Variants in TMEM114 observed in about 807,000 individuals in gnomAD.
TMEM114 encodes claudin-26.
Under a neutral mutation model 6.2 loss-of-function variants are expected in TMEM114, and 6 were observed. That is an observed-to-expected ratio of 0.97 (90% CI 0.53 to 1.91). TMEM114 has a LOEUF of 1.91. Ranked by LOEUF, TMEM114 falls within the 40% of genes most tolerant of loss-of-function variation. TMEM114 has a pLI of 0.01. For synonymous variants in TMEM114, 104 were observed against 73.0 expected, an observed-to-expected ratio of 1.42 and a Z score of -2.16; for missense variants, 218 against 158.3, an observed-to-expected ratio of 1.38 and a Z score of -2.02.
chr16:8,557,841 A>G (rs1306656875), intron 2 of TMEM114, among the ~76,000 whole-genome samples: 1 of 152,244 alleles, frequency 6.6e-6, no homozygotes, highest in Non-Finnish European at 1.5e-5. Flanking sequence ...GATCTTTAAA[A>G]TAATCTTGTG....
At chr16:8,570,199 C>T (rs1346926126) in intron 3 of TMEM114, among the ~76,000 whole-genome samples, 194 bp from the exon 4 acceptor site, 2 of 152,234 alleles carry the variant, frequency 1.3e-5, no homozygotes, top group Non-Finnish European at 2.9e-5. Context: ...TCGGCAACTC[C>T]TACCCTTCCC....
chr16:8,551,416 C>T (rs1900840087), intron 2 of TMEM114, among the ~76,000 whole-genome samples: 1 of 152,190 alleles, frequency 6.6e-6, no homozygotes, highest in Admixed American at 6.5e-5. Flanking sequence ...CTTCTCTACA[C>T]TGTTATAGTT....
In TMEM114 at chr16:8,562,412, ATGAGTGAGTGAATAAG is replaced by A. The variant is rs1427307714; in HGVS notation, n.213-24602_213-24587del. ...AATGAGTGAGTGAGTGAATGAGTAA[ATGAGTGAGTGAATAAG>A]TGAGTGAGTGAATGAGTGAATGAGT... On this transcript the variant is annotated intron_variant and non_coding_transcript_variant, in intron 2 of 2. Coordinates refer to the TMEM114 transcript ENST00000623677. Among the ~76,000 whole-genome samples, 100 of 79,944 alleles carry A rather than the reference ATGAGTGAGTGAATAAG, an allele frequency of 1.3e-3. 2 individuals are homozygous for A. The South Asian group carries it at 0.043, about 34-fold the overall frequency. 52.4% of individuals were successfully genotyped at this position (79,944 alleles called of 152,430 possible).
intron 2 of TMEM114, among the ~76,000 whole-genome samples, chr16:8,583,256 T>C (rs1387148835): frequency 6.6e-6 from 1 of 152,172 alleles, no homozygotes; most frequent in African/African-American, 2.4e-5. Context: ...TAAGTGCATC[T>C]GGTGGGTCTG....
intron 2 of TMEM114, among the ~76,000 whole-genome samples, chr16:8,561,903 A>C (rs1052509984): frequency 1.3e-5 from 1 of 74,840 alleles, no homozygotes; most frequent in Non-Finnish European, 2.7e-5. Context: ...TGAGTAAATG[A>C]GTGAATGAAT....
At chr16:8,574,959 A>T (rs912813978) in intron 2 of TMEM114, among the ~76,000 whole-genome samples, 1 of 152,178 alleles carries the variant, frequency 6.6e-6, no homozygotes, top group Admixed American at 6.5e-5. Context: ...GCTTTGGAAC[A>T]TGAATATTGA....
At chr16:8,573,505 T>A (rs1901804934) in intron 2 of TMEM114, among the ~76,000 whole-genome samples, 1 of 151,964 alleles carries the variant, frequency 6.6e-6, no homozygotes, top group Non-Finnish European at 1.5e-5. Context: ...GGTTTCAGGG[T>A]CTATACCTCT....
chr16:8,560,224 C>T (rs1020495464), intron 2 of TMEM114, among the ~76,000 whole-genome samples: 3 of 151,772 alleles, frequency 2.0e-5, no homozygotes, highest in Non-Finnish European at 4.4e-5. Flanking sequence ...GCTCAAACTC[C>T]TGGGCTCAAG....
At chr16:8,527,896 T>C in the TMEM114 span, among the ~76,000 whole-genome samples, 1 of 152,098 alleles carries the variant, frequency 6.6e-6, no homozygotes, top group African/African-American at 2.4e-5. Context: ...TTCATGATAG[T>C]TTCTTCTTTT....
intron 1 of TMEM114, 23 bp downstream of exon 1, chr16:8,589,596 C>T (rs1449349047): frequency 2.5e-6 from 1 of 398,516 alleles, no homozygotes; most frequent in East Asian, 3.6e-5. Context: ...GCCACAGCTC[C>T]CAGCCACGGG....
At chr16:8,533,527 T>G (rs1018261656), downstream of TMEM114, among the ~76,000 whole-genome samples, 24 of 152,226 alleles carry the variant, frequency 1.6e-4, no homozygotes, top group Non-Finnish European at 2.5e-4. Flanking sequence ...CTAAGTGTAA[T>G]AGGAAACCAC....
At chr16:8,536,469 C>G (rs1248512611), downstream of TMEM114, among the ~76,000 whole-genome samples, 1 of 152,068 alleles carries the variant, frequency 6.6e-6, no homozygotes. Context: ...ACCTCGGTAT[C>G]TCAACATTAG....
downstream of TMEM114, among the ~76,000 whole-genome samples, chr16:8,534,272 G>A (rs1406677266): frequency 1.3e-5 from 2 of 151,830 alleles, no homozygotes; most frequent in Non-Finnish European, 1.5e-5. Context: ...CTTCAAAGGC[G>A]ACCGGAGGAC....
At chr16:8,534,768 C>T (rs1048698484), downstream of TMEM114, among the ~76,000 whole-genome samples, 1 of 152,220 alleles carries the variant, frequency 6.6e-6, no homozygotes, top group Non-Finnish European at 1.5e-5. Context: ...ATTCATGCAA[C>T]TATCATCAGA....
intron 2 of TMEM114, among the ~76,000 whole-genome samples, chr16:8,555,010 G>A (rs895035984): frequency 2.0e-5 from 3 of 152,184 alleles, no homozygotes; most frequent in Non-Finnish European, 4.4e-5. Flanking sequence ...AGAAGGTGAG[G>A]CAGCCTTCAG....
intron 2 of TMEM114, among the ~76,000 whole-genome samples, chr16:8,554,577 C>G (rs530026885): frequency 2.0e-5 from 3 of 152,300 alleles, no homozygotes; most frequent in South Asian, 2.1e-4. Context: ...CTCTGCTTCT[C>G]TTTCGCTCCC....
intron 3 of TMEM114, 94 bp from the exon 4 acceptor site, chr16:8,570,099 G>A (rs1460746813): frequency 1.4e-6 from 2 of 1,447,918 alleles, no homozygotes; most frequent in East Asian, 2.5e-5. Flanking sequence ...GCTGCTCAGC[G>A]TCCAGCGTCC....
downstream of TMEM114, among the ~76,000 whole-genome samples, chr16:8,567,100 G>C (rs140855006): frequency 0.033 from 5,018 of 150,946 alleles, 129 homozygotes; most frequent in South Asian, 0.11. Flanking sequence ...GTAGAGATGG[G>C]GTTTCACCAT....
chr16:8,563,571 G>C (rs538027616), intron 2 of TMEM114, among the ~76,000 whole-genome samples: 2,183 of 149,182 alleles, frequency 0.015, 168 homozygotes, highest in African/African-American at 0.052. Context: ...CTGAGGGAGG[G>C]AGGAAATGAG....
Sources: allele counts gnomAD v4.1 joint callset (sites outside exome capture counted in the v4.1 genomes callset), GRCh38; gene constraint gnomAD v4.1.1; transcripts MANE v1.5; gene names NCBI Gene and HGNC (gene_info 2026-07-23, HGNC 2026-07-21).